Variants in ATRX observed in about 807,000 individuals in gnomAD.
ATRX encodes chromatin remodeler ATRX.
In ATRX, 12 loss-of-function variants were observed where a neutral mutation model predicts 172.6. That is an observed-to-expected ratio of 0.07 (90% confidence interval 0.04 to 0.11). The LOEUF (loss-of-function observed/expected upper bound fraction) is 0.11, where lower values mean the gene tolerates loss of function less well. ATRX is among the 10% of genes least tolerant of loss of function. The pLI, the probability that ATRX is intolerant of heterozygous loss-of-function variation, is 1.00. For synonymous variants in ATRX, 674 were observed against 594.7 expected (o/e 1.13, Z -1.94); for missense variants, 1,368 against 1,767.4 (o/e 0.77, Z 4.05).
chrX:77,749,387 T>A (rs983198527), intron 1 of ATRX, among the ~76,000 whole-genome samples: 2 of 111,677 alleles, frequency 1.8e-5, no homozygotes, highest in Non-Finnish European at 3.8e-5. Flanking sequence ...TCCATATCTT[T>A]AATCTTGTGA....
chrX:77,634,743 A>G (rs781870656), intron 16 of ATRX, 40 bp from the exon 17 acceptor site: 1 of 1,123,687 alleles, frequency 8.9e-7, no homozygotes, highest in South Asian at 1.8e-5. Flanking sequence ...TTAAAGGTCC[A>G]AGTTAAAAAC....
chrX:77,607,657 G>A (rs1460888640), intron 22 of ATRX, among the ~76,000 whole-genome samples: 2 of 95,606 alleles, frequency 2.1e-5, no homozygotes, highest in African/African-American at 7.9e-5. Flanking sequence ...AGGTTGCAGA[G>A]AGCCAAGATC....
At chrX:77,637,260 G>A (rs2068429193) in intron 15 of ATRX, among the ~76,000 whole-genome samples, 1 of 111,756 alleles carries the variant, frequency 8.9e-6, no homozygotes, top group Non-Finnish European at 1.9e-5. Flanking sequence ...ATTACAAAAC[G>A]GAAACAATTA....
At chrX:77,664,023 C>T (rs1171657809) in intron 11 of ATRX, among the ~76,000 whole-genome samples, 1 of 108,444 alleles carries the variant, frequency 9.2e-6, no homozygotes, top group Non-Finnish European at 1.9e-5. Context: ...ATCGCTTGAA[C>T]CCGGGAGGCA....
intron 9 of ATRX, among the ~76,000 whole-genome samples, chrX:77,679,550 T>C (rs2071079550): frequency 8.9e-6 from 1 of 111,917 alleles, no homozygotes; most frequent in African/African-American, 3.2e-5. Flanking sequence ...AATGAATTCA[T>C]ATTAATTATT....
chrX:77,772,095 G>C (rs782511993), intron 1 of ATRX, among the ~76,000 whole-genome samples: 4 of 110,685 alleles, frequency 3.6e-5, no homozygotes, highest in African/African-American at 9.9e-5. Context: ...AGGAGTTCGA[G>C]ACCATCCTGA....
chrX:77,720,696 T>C (rs1319049297), intron 1 of ATRX, among the ~76,000 whole-genome samples: 1 of 111,343 alleles, frequency 9.0e-6, no homozygotes. Flanking sequence ...AGCCTACCGA[T>C]CAAAATAAGT....
At chrX:77,722,653 G>C (rs148378453) in intron 1 of ATRX, among the ~76,000 whole-genome samples, 1 of 111,623 alleles carries the variant, frequency 9.0e-6, no homozygotes, top group African/African-American at 3.3e-5. Flanking sequence ...ACCACCTCAC[G>C]CCGGTTAGAA....
At chrX:77,709,798 A>T (rs1355731241) in intron 2 of ATRX, among the ~76,000 whole-genome samples, 1 of 110,246 alleles carries the variant, frequency 9.1e-6, no homozygotes, top group Non-Finnish European at 1.9e-5. Context: ...AATAAAATAA[A>T]ATGTAAATGT....
chrX:77,764,999 A>AACCCTGCCTCTACAAAAATTAGTC (rs1198470718), intron 1 of ATRX, among the ~76,000 whole-genome samples: 1 of 111,154 alleles, frequency 9.0e-6, no homozygotes, highest in Non-Finnish European at 1.9e-5. Flanking sequence ...GACATGGTGA[A>AACCCTGCCTCTACAAAAATTAGTC]ACCCTGCCTC....
rs2069285846 is a variant in ATRX at position 77,652,288 on chromosome X, C to T, written c.4383G>A (p.Glu1461=). Residue 1461 remains glutamate (E), a synonymous_variant, in exon 15 of 35, where the codon GAG becomes GAA. Transcript: ENST00000373344. The part of the protein sequence containing the change: ...EEEEEEEEEE[E]EEEDENDDSK... Reference sequence around the variant, plus strand: ...AATCATCATTTTCATCTTCCTCCTCCTCTTCCTCCTCCTCCTCCTCTTCCT... The same window carrying T: ...AATCATCATTTTCATCTTCCTCCTCTTCTTCCTCCTCCTCCTCCTCTTCCT... The T allele has an allele frequency of 8.3e-7, 1 of 1,205,996 alleles. No individual in the cohort carries two copies. Among genetic ancestry groups the T allele is most frequent in the Non-Finnish European group, 1.1e-6 (1 of 893,980 alleles).
intron 30 of ATRX, among the ~76,000 whole-genome samples, chrX:77,545,961 A>G (rs1221354526): frequency 1.8e-5 from 2 of 111,298 alleles, no homozygotes; most frequent in African/African-American, 3.3e-5. Flanking sequence ...TGACACTGTA[A>G]GATTGTGTAG....
chrX:77,676,053 T>G lies in ATRX; in HGVS notation c.3809+173A>C, dbSNP rs1348224100. On this transcript the variant is annotated intron_variant, in intron 10 of 34. Transcript: ENST00000373344. ...ATTACTTTCTCTTAAGGTTTCTGAG[T>G]TTTAGCCCATTTTCTGGCCTTTCTT... 2.7e-5 allele frequency: 11 copies of G among 400,920 alleles called. No individual in the cohort carries two copies. The Admixed American group carries it at 4.0e-4, about 15-fold the overall frequency. 33.0% of individuals were successfully genotyped at this position (400,920 alleles called of 1,213,427 possible). A position where few individuals can be genotyped will look rare whatever the true frequency, so the allele number is the denominator to read the frequency against.
At chrX:77,515,377 A>T (rs1488265415) in intron 34 of ATRX, among the ~76,000 whole-genome samples, 2 of 111,254 alleles carry the variant, frequency 1.8e-5, no homozygotes, top group Non-Finnish European at 3.8e-5. Flanking sequence ...TGGATAAAGA[A>T]AATGTGGAAA....
At chrX:77,681,422 G>A in intron 9 of ATRX, 98 bp downstream of exon 9, 1 of 876,690 alleles carries the variant, frequency 1.1e-6, no homozygotes. Flanking sequence ...CTCCTAAGTA[G>A]TAACCCTAAA....
chrX:77,734,522 C>G (rs1217048848), intron 1 of ATRX, among the ~76,000 whole-genome samples: 6 of 112,380 alleles, frequency 5.3e-5, no homozygotes, highest in African/African-American at 1.9e-4. Context: ...CATGGTGGCT[C>G]ATGCCTGTAA....
chrX:77,517,054 C>G (rs900625592), intron 34 of ATRX, among the ~76,000 whole-genome samples: 1 of 108,932 alleles, frequency 9.2e-6, no homozygotes, highest in African/African-American at 3.3e-5. Flanking sequence ...ACACAACATA[C>G]AAAAACCTAT....
chrX:77,675,220 T>C (rs2070805847), intron 10 of ATRX: 3 of 112,136 alleles, frequency 2.7e-5, no homozygotes. Flanking sequence ...AAATGAATGG[T>C]TAATGTAGTG....
chrX:77,766,610 A>G (rs2075956269), intron 1 of ATRX, among the ~76,000 whole-genome samples: 1 of 102,618 alleles, frequency 9.7e-6, no homozygotes, highest in Admixed American at 1.0e-4. Flanking sequence ...CGCTCCCCAC[A>G]TCTCAGACGA....
Sources: allele counts gnomAD v4.1 joint callset (sites outside exome capture counted in the v4.1 genomes callset), GRCh38; gene constraint gnomAD v4.1.1; transcripts MANE v1.5; gene names NCBI Gene and HGNC (gene_info 2026-07-23, HGNC 2026-07-21).